KDM5C: variants seen among roughly 807,000 people sequenced by gnomAD.
KDM5C encodes lysine demethylase 5C.
A neutral mutation model predicts 110.6 loss-of-function variants in KDM5C; 16 were observed. The ratio of observed to expected loss-of-function variants is 0.14; its 90% CI spans 0.10 to 0.22. The LOEUF is 0.22. KDM5C is among the 10% of genes least tolerant of loss of function. The pLI, the probability that KDM5C is intolerant of heterozygous loss-of-function variation, is 1.00. For synonymous variants in KDM5C, 511 were observed against 520.4 expected (o/e 0.98, Z 0.24); for missense variants, 681 against 1,300.9 (o/e 0.52, Z 7.33).
chrX:53,211,724 A>G (rs1556848971), intron 9 of KDM5C, 63 bp downstream of exon 9: 3 of 1,207,725 alleles, frequency 2.5e-6, no homozygotes, highest in Non-Finnish European at 3.4e-6. Flanking sequence ...AGGTGAGCTG[A>G]GACCATCTGG....
At chrX:53,191,342 T>C, downstream of KDM5C, 1 of 174,180 alleles carries the variant, frequency 5.7e-6, no homozygotes, top group Non-Finnish European at 1.1e-5. Flanking sequence ...ACGATTCCAT[T>C]TATGTAAAAT....
intron 20 of KDM5C, 98 bp downstream of exon 20, chrX:53,195,818 C>G (rs893331270): frequency 6.3e-5 from 62 of 990,312 alleles, no homozygotes; most frequent in Non-Finnish European, 7.8e-5. Context: ...TCTCTCCAGC[C>G]AACCCAACCC....
chrX:53,186,836 G>C (rs1213629028), downstream of KDM5C, among the ~76,000 whole-genome samples: 1 of 112,291 alleles, frequency 8.9e-6, no homozygotes, highest in Non-Finnish European at 1.9e-5. Flanking sequence ...TGTTTCATGA[G>C]TAGTTTTTAA....
At chrX:53,206,453 G>A (rs2073331114) in intron 12 of KDM5C, among the ~76,000 whole-genome samples, 1 of 111,779 alleles carries the variant, frequency 8.9e-6, no homozygotes, top group African/African-American at 3.3e-5. Flanking sequence ...TTTACGGTAT[G>A]TAGCAAATCA....
chrX:53,191,473 T>C (rs1490550702), downstream of KDM5C: 7 of 173,765 alleles, frequency 4.0e-5, no homozygotes, highest in Non-Finnish European at 7.7e-5. Context: ...ACTCTGAATA[T>C]ACTAAAAGCT....
intron 8 of KDM5C, chrX:53,214,301 A>G: frequency 6.9e-6 from 1 of 143,905 alleles, no homozygotes; most frequent in African/African-American, 3.1e-5. Flanking sequence ...ACAAAAACTC[A>G]GAAATTGAAA....
chrX:53,207,334 C>T, intron 12 of KDM5C, among the ~76,000 whole-genome samples: 1 of 111,247 alleles, frequency 9.0e-6, no homozygotes, highest in South Asian at 3.8e-4. Context: ...AAGTGAGATA[C>T]TTTGCATTCT....
chrX:53,216,245 T>C (rs782520438), intron 5 of KDM5C, 48 bp from the exon 6 acceptor site: 3 of 1,201,102 alleles, frequency 2.5e-6, no homozygotes, highest in African/African-American at 3.5e-5. Context: ...TGGGGCAGAC[T>C]GTCCCATCCT....
intron 2 of KDM5C, among the ~76,000 whole-genome samples, chrX:53,220,103 T>C (rs1185852996): frequency 8.9e-6 from 1 of 111,871 alleles, no homozygotes; most frequent in African/African-American, 3.3e-5. Context: ...CTTGGACATC[T>C]ATTAAGATTT....
chrX:53,220,105 T>A (rs1439973817), intron 2 of KDM5C, among the ~76,000 whole-genome samples: 1 of 111,726 alleles, frequency 9.0e-6, no homozygotes, highest in Non-Finnish European at 1.9e-5. Context: ...TGGACATCTA[T>A]TAAGATTTGT....
At position 53,224,970 on chromosome X, in the gene KDM5C, G is replaced by A. The variant is rs2074000080; in HGVS notation, c.-81C>T. On this transcript the variant is annotated 5_prime_UTR_variant, in exon 1 of 26. Transcript: ENST00000375401. Reference sequence around the variant, plus strand: ...CATGGCGCCGCCGCTGTTTGAAGCCGAGGCAATGCTCGGAGGCTAGGCCCT... The same window carrying A: ...CATGGCGCCGCCGCTGTTTGAAGCCAAGGCAATGCTCGGAGGCTAGGCCCT... The A allele has an allele frequency of 9.2e-7, 1 of 1,081,613 alleles. No homozygotes were observed. The highest frequency in any genetic ancestry group is 1.2e-6 in the Non-Finnish European group (1 of 817,018). The allele number at this position is 1,081,613 out of a possible 1,213,427, so 89.1% of individuals were successfully genotyped here.
intron 18 of KDM5C, 58 bp from the exon 19 acceptor site, chrX:53,197,102 C>A: frequency 2.2e-6 from 2 of 905,281 alleles, no homozygotes; most frequent in Non-Finnish European, 3.1e-6. Flanking sequence ...AGGGGTTCCA[C>A]CACCAGATGG....
At chrX:53,203,597 CT>C (rs782117306) in intron 12 of KDM5C, among the ~76,000 whole-genome samples, 23 of 111,390 alleles carry the variant, frequency 2.1e-4, no homozygotes, top group Middle Eastern at 4.7e-3. Context: ...ACATTTTTCA[CT>C]TTTGCTATCA....
chrX:53,214,583 C>T (rs2073686718), intron 8 of KDM5C, 106 bp downstream of exon 8: 2 of 938,782 alleles, frequency 2.1e-6, no homozygotes, highest in African/African-American at 3.9e-5. Flanking sequence ...ACCACAGAGA[C>T]CCAAAACCTA....
chrX:53,199,602 G>A (rs1556840592), intron 14 of KDM5C, among the ~76,000 whole-genome samples: 1 of 111,730 alleles, frequency 9.0e-6, no homozygotes, highest in Non-Finnish European at 1.9e-5. Context: ...CACTTAGTAG[G>A]CAGGAGATAC....
At chrX:53,206,621 TGA>T (rs1159595305) in intron 12 of KDM5C, among the ~76,000 whole-genome samples, 6 of 110,521 alleles carry the variant, frequency 5.4e-5, no homozygotes, top group Non-Finnish European at 1.1e-4. Flanking sequence ...CTCAGCAGTT[TGA>T]GAGACCGAGG....
chrX:53,203,211 C>T (rs2073205517), intron 12 of KDM5C, among the ~76,000 whole-genome samples: 1 of 112,071 alleles, frequency 8.9e-6, no homozygotes, highest in East Asian at 2.8e-4. Context: ...CGAAGCCATT[C>T]TGATTTCTAA....
intron 6 of KDM5C, 38 bp downstream of exon 6, chrX:53,216,036 C>T: frequency 8.2e-7 from 1 of 1,212,190 alleles, no homozygotes; most frequent in Non-Finnish European, 1.1e-6. Context: ...CCTGACTTTT[C>T]TCCCCAGGTG....
At chrX:53,208,847 A>C in intron 12 of KDM5C, among the ~76,000 whole-genome samples, 1 of 52,273 alleles carries the variant, frequency 1.9e-5, no homozygotes, top group Non-Finnish European at 3.2e-5. Flanking sequence ...ACAGGGTCTC[A>C]CTATGTTGCC....
Sources: allele counts gnomAD v4.1 joint callset (sites outside exome capture counted in the v4.1 genomes callset), GRCh38; gene constraint gnomAD v4.1.1; transcripts MANE v1.5; gene names NCBI Gene and HGNC (gene_info 2026-07-23, HGNC 2026-07-21).